Variants in SLC13A1 observed in about 807,000 individuals in gnomAD.
The protein encoded by SLC13A1 is solute carrier family 13 member 1.
A neutral mutation model predicts 70.0 loss-of-function variants in SLC13A1; 65 were observed. The ratio of observed to expected loss-of-function variants is 0.93; its 90% CI spans 0.76 to 1.14. SLC13A1 has a LOEUF of 1.14. Ranked by LOEUF, SLC13A1 falls within the 50% of genes most tolerant of loss-of-function variation. The pLI is 0.00. For synonymous variants in SLC13A1, 275 were observed against 250.5 expected (o/e 1.10, Z -0.92); for missense variants, 726 against 717.8 (o/e 1.01, Z -0.13).
rs1330726507 is a variant in SLC13A1 at position 123,113,661 on chromosome 7, T to C, written c.*1857A>G. 1 of 152,058 alleles carries C rather than the reference T, an allele frequency of 6.6e-6. No homozygotes were observed. Among genetic ancestry groups the C allele is most frequent in the Non-Finnish European group, 1.5e-5 (1 of 67,998 alleles). 9.4% of individuals were successfully genotyped at this position (152,058 alleles called of 1,614,324 possible). A position where few individuals can be genotyped will look rare whatever the true frequency, so the allele number is the denominator to read the frequency against. ...ATAAATACTACAGATTATAAATACA[T>C]GTGTAAAATATGGTAGGGAAAGGAA... On this transcript the variant is annotated 3_prime_UTR_variant, in exon 15 of 15. Transcript: ENST00000194130.
At position 123,159,527 on chromosome 7, in the gene SLC13A1, A is replaced by G. The variant is rs149196508; in HGVS notation, c.660+8847T>C. Among the ~76,000 whole-genome samples, 716 of 152,284 alleles carry G rather than the reference A, an allele frequency of 4.7e-3. 5 individuals are homozygous for G. Among genetic ancestry groups the G allele is most frequent in the Middle Eastern group, 0.01 (3 of 294 alleles). ...ATCTTGTACTTGGCTAGCCTCCAAA[A>G]CTGGGAGAAAATATAACAGATTTGT... is the stretch of plus-strand genomic sequence containing the variant. On this transcript the variant is annotated intron_variant, in intron 6 of 14. Transcript: ENST00000194130.
At chr7:123,165,076 A>G (rs1225336615) in intron 6 of SLC13A1, among the ~76,000 whole-genome samples, 4 of 152,122 alleles carry the variant, frequency 2.6e-5, no homozygotes. Context: ...AATCAGTGTT[A>G]AATTATATAG....
At chr7:123,176,935 T>A in intron 2 of SLC13A1, among the ~76,000 whole-genome samples, 1 of 152,164 alleles carries the variant, frequency 6.6e-6, no homozygotes, top group African/African-American at 2.4e-5. Context: ...AGTGATCTCA[T>A]CAAGTCTTAG....
chr7:123,171,470 G>T (rs1585374155), intron 3 of SLC13A1, among the ~76,000 whole-genome samples: 2 of 152,140 alleles, frequency 1.3e-5, no homozygotes, highest in East Asian at 3.8e-4. Flanking sequence ...TATCAATCTT[G>T]TCTGTTGAGG....
At position 123,115,539 on chromosome 7, in the gene SLC13A1, C is replaced by T; in HGVS notation, c.1767G>A (p.Met589Ile). 1 of 1,613,062 alleles carries T rather than the reference C, an allele frequency of 6.2e-7. No homozygotes were observed. Among genetic ancestry groups the T allele is most frequent in the Non-Finnish European group, 8.5e-7 (1 of 1,179,212 alleles). The part of the protein sequence containing the change: ...LYTYPSWAPA[M>I]SNETMP Reference sequence around the variant, plus strand: ...CTTATTATGGCATGGTCTCATTACTCATAGCAGGAGCCCACGAAGGGTAAG... The same window carrying T: ...CTTATTATGGCATGGTCTCATTACTTATAGCAGGAGCCCACGAAGGGTAAG... Residue 589 changes from methionine to isoleucine, a missense_variant, in exon 15 of 15, where the codon ATG (methionine) becomes ATA (isoleucine). Met to Ile is a conservative substitution (Grantham distance 10). Transcript: ENST00000194130.
chr7:123,114,388 C>T lies in SLC13A1; in HGVS notation c.*1130G>A, dbSNP rs1433455867. The stretch of plus-strand genomic sequence containing the variant: ...TTGGAAACTCATTCTTTTTCGCATC[C>T]TCACTTCTAGAAGACTATTCTTATC... On this transcript the variant is annotated 3_prime_UTR_variant, in exon 15 of 15. Coordinates refer to ENST00000194130, the MANE Select transcript of SLC13A1 (RefSeq NM_022444.4). 2.6e-5 allele frequency: 4 copies of T among 152,012 alleles called. No homozygotes were observed. The highest frequency in any genetic ancestry group is 4.8e-5 in the African/African-American group (2 of 41,408). The allele number at this position is 152,012 out of a possible 1,614,324, so 9.4% of individuals were successfully genotyped here.
At chr7:123,117,194 T>C (rs915143999) in intron 14 of SLC13A1, among the ~76,000 whole-genome samples, 1 of 152,192 alleles carries the variant, frequency 6.6e-6, no homozygotes, top group Non-Finnish European at 1.5e-5. Context: ...TATGCTGTCG[T>C]GTGGAGCATG....
At chr7:123,193,115 CA>C in intron 1 of SLC13A1, among the ~76,000 whole-genome samples, 1 of 152,244 alleles carries the variant, frequency 6.6e-6, no homozygotes, top group African/African-American at 2.4e-5. Context: ...AACCTGACTA[CA>C]CATTTGGTTA....
At chr7:123,161,212 T>A (rs996883587) in intron 6 of SLC13A1, among the ~76,000 whole-genome samples, 2 of 150,914 alleles carry the variant, frequency 1.3e-5, no homozygotes, top group African/African-American at 4.8e-5. Flanking sequence ...TAAAATAAGA[T>A]AAATAAAGAT....
At chr7:123,195,627 T>C (rs549216065) in intron 1 of SLC13A1, among the ~76,000 whole-genome samples, 1 of 152,184 alleles carries the variant, frequency 6.6e-6, no homozygotes, top group South Asian at 2.1e-4. Flanking sequence ...TCTCTCATCA[T>C]GTATCATTTT....
chr7:123,156,402 A>AT (rs143767857), intron 6 of SLC13A1, among the ~76,000 whole-genome samples: 4,370 of 152,240 alleles, frequency 0.029, 206 homozygotes, highest in African/African-American at 0.1. Context: ...AAAGAAATAA[A>AT]TATTTACTAA....
chr7:123,141,619 C>CAT (rs572894279), intron 7 of SLC13A1, among the ~76,000 whole-genome samples: 20 of 151,958 alleles, frequency 1.3e-4, no homozygotes, highest in Admixed American at 6.6e-5. Flanking sequence ...ATGTTGGTTG[C>CAT]ATATATATTT....
Position 123,134,514 on chromosome 7 carries a change from A to G in SLC13A1, c.828T>C (p.Cys276=). The change falls in exon 8 of 15, where the codon TGT becomes TGC. Residue 276 remains cysteine (C), a synonymous_variant. Coordinates refer to ENST00000194130, the MANE Select transcript of SLC13A1 (RefSeq NM_022444.4). ...ACCATGATCCAAAGTTGAGGCAACGACAGTCAGGATAGCGTCTGTGTGAAA... is the reference window on the plus strand; with the variant it reads ...ACCATGATCCAAAGTTGAGGCAACGGCAGTCAGGATAGCGTCTGTGTGAAA... ...AEYFNTRYPD[C]RCLNFGSWFT... 1 of 1,613,492 alleles carries G rather than the reference A, an allele frequency of 6.2e-7. No individual in the cohort carries two copies. Among genetic ancestry groups the G allele is most frequent in the Non-Finnish European group, 8.5e-7 (1 of 1,179,578 alleles).
chr7:123,140,997 C>T (rs552044593), intron 7 of SLC13A1, among the ~76,000 whole-genome samples: 88 of 151,840 alleles, frequency 5.8e-4, no homozygotes, highest in African/African-American at 2.0e-3. Context: ...TAAGATGCAT[C>T]GTTAGGTTAT....
intron 6 of SLC13A1, among the ~76,000 whole-genome samples, chr7:123,164,063 G>A: frequency 6.6e-6 from 1 of 151,998 alleles, no homozygotes; most frequent in East Asian, 1.9e-4. Context: ...AAATTATATA[G>A]TCTGTAAGAA....
chr7:123,147,874 T>C (rs910561761), intron 6 of SLC13A1, among the ~76,000 whole-genome samples: 5 of 152,140 alleles, frequency 3.3e-5, no homozygotes, highest in African/African-American at 1.2e-4. Flanking sequence ...CCCCCATGTC[T>C]TTCCTTCTCA....
chr7:123,147,933 C>A (rs1344580194), intron 6 of SLC13A1, among the ~76,000 whole-genome samples: 1 of 152,116 alleles, frequency 6.6e-6, no homozygotes, highest in African/African-American at 2.4e-5. Context: ...ACTGGTGGTA[C>A]ATACTCAATA....
chr7:123,155,018 T>G (rs1794666486), intron 6 of SLC13A1, among the ~76,000 whole-genome samples: 1 of 152,048 alleles, frequency 6.6e-6, no homozygotes, highest in Non-Finnish European at 1.5e-5. Context: ...TCATTCATAT[T>G]TTTGATCCTT....
chr7:123,180,949 T>G, intron 2 of SLC13A1, 24 bp downstream of exon 2: 1 of 1,596,940 alleles, frequency 6.3e-7, no homozygotes, highest in Non-Finnish European at 8.5e-7. Flanking sequence ...GAAATCAACT[T>G]ATGACATTGG....
Sources: gnomAD v4.1 joint callset for allele counts (sites outside exome capture counted in the v4.1 genomes callset) on GRCh38, gnomAD v4.1.1 for gene constraint, MANE v1.5 for transcripts, NCBI Gene and HGNC (gene_info 2026-07-23, HGNC 2026-07-21) for gene names.